AFF3: variants seen among roughly 807,000 people sequenced by gnomAD.
AFF3 encodes AF4/FMR2 family member 3.
Under a neutral mutation model 129.7 loss-of-function variants are expected in AFF3, and 32 were observed. That is an observed-to-expected ratio of 0.25 (90% CI 0.19 to 0.33). The LOEUF (loss-of-function observed/expected upper bound fraction) is 0.33. AFF3 is among the 10% of genes least tolerant of loss of function. AFF3 has a pLI of 1.00. For missense variants in AFF3, 1,373 were observed against 1,592.0 expected (o/e 0.86, Z 2.34); for synonymous variants, 644 against 635.4 (o/e 1.01, Z -0.20).
chr2:100,087,647 T>C (rs982228608), intron 4 of AFF3, among the ~76,000 whole-genome samples: 1 of 151,890 alleles, frequency 6.6e-6, no homozygotes, highest in African/African-American at 2.4e-5. Flanking sequence ...GAGAAAGTCA[T>C]ATTCCTTTAT....
chr2:99,710,874 C>T (rs1330058584), intron 11 of AFF3, among the ~76,000 whole-genome samples: 1 of 152,210 alleles, frequency 6.6e-6, no homozygotes, highest in Non-Finnish European at 1.5e-5. Context: ...ACTCTGCCAA[C>T]AGCAGAAGGC....
intron 7 of AFF3, among the ~76,000 whole-genome samples, chr2:99,904,043 CTT>C (rs1694538407): frequency 6.6e-6 from 1 of 152,132 alleles, no homozygotes; most frequent in Admixed American, 6.5e-5. Context: ...AAACTCTTCT[CTT>C]TTCTTCCTCA....
intron 8 of AFF3, among the ~76,000 whole-genome samples, chr2:99,766,818 A>T (rs1301788467): frequency 6.6e-6 from 1 of 152,240 alleles, no homozygotes; most frequent in African/African-American, 2.4e-5. Flanking sequence ...GAAGACATTA[A>T]ATTAATAATG....
chr2:99,912,627 T>C (rs1310435575), intron 7 of AFF3, among the ~76,000 whole-genome samples: 7 of 152,150 alleles, frequency 4.6e-5, no homozygotes, highest in African/African-American at 1.7e-4. Context: ...CACTAGGATA[T>C]GAAAGAGATA....
At chr2:99,639,744 G>T (rs1348846865) in intron 13 of AFF3, among the ~76,000 whole-genome samples, 1 of 150,322 alleles carries the variant, frequency 6.7e-6, no homozygotes, top group Non-Finnish European at 1.5e-5. Flanking sequence ...GGAGTGCAAT[G>T]GAGTGCAATC....
intron 7 of AFF3, among the ~76,000 whole-genome samples, chr2:99,890,751 ATGCCCCTGGCCTAT>A: frequency 6.6e-6 from 1 of 152,200 alleles, no homozygotes; most frequent in East Asian, 1.9e-4. Context: ...TGACCTCTGC[ATGCCCCTGGCCTAT>A]CAGGTACAGA....
chr2:100,074,953 T>C (rs1476998039), intron 4 of AFF3, among the ~76,000 whole-genome samples: 1 of 152,236 alleles, frequency 6.6e-6, no homozygotes, highest in Admixed American at 6.5e-5. Flanking sequence ...AAAAGTATCC[T>C]AATTTAAATG....
intron 8 of AFF3, among the ~76,000 whole-genome samples, chr2:99,814,652 C>T (rs1282922389): frequency 6.6e-6 from 1 of 152,126 alleles, no homozygotes; most frequent in Non-Finnish European, 1.5e-5. Flanking sequence ...TTTTATCACA[C>T]TAGCTCCGGC....
Position 99,844,718 on chromosome 2 carries a change from A to C in AFF3, c.874-7194T>G, listed in dbSNP as rs113436253. On this transcript the variant is annotated intron_variant, in intron 7 of 24. Transcript: ENST00000672756. ...CCAAAGTGCTGGGATTACAGGCATGAGCCAGCATGCCTGGCTTACTTTTTA... is the reference window on the plus strand; with the variant it reads ...CCAAAGTGCTGGGATTACAGGCATGCGCCAGCATGCCTGGCTTACTTTTTA... 4.9e-3 allele frequency among the ~76,000 whole-genome samples: 752 copies of C among 152,098 alleles called. 3 individuals are homozygous for C. The highest frequency in any genetic ancestry group is 0.017 in the African/African-American group (726 of 41,496).
intron 7 of AFF3, among the ~76,000 whole-genome samples, chr2:99,998,620 T>C (rs1681081391): frequency 1.3e-5 from 2 of 152,330 alleles, no homozygotes; most frequent in South Asian, 4.1e-4. Context: ...GTTTAGTGTG[T>C]ATTAAAAACA....
At chr2:100,081,788 C>T (rs1213843976) in intron 4 of AFF3, among the ~76,000 whole-genome samples, 1 of 152,176 alleles carries the variant, frequency 6.6e-6, no homozygotes, top group Non-Finnish European at 1.5e-5. Flanking sequence ...TCTCACACAA[C>T]CCCATGAGTT....
At chr2:99,847,541 C>CTAG (rs890234235) in intron 7 of AFF3, among the ~76,000 whole-genome samples, 2 of 151,934 alleles carry the variant, frequency 1.3e-5, no homozygotes, top group African/African-American at 4.8e-5. Flanking sequence ...ATTATAGTGG[C>CTAG]AATCTATTTT....
intron 2 of AFF3, among the ~76,000 whole-genome samples, chr2:100,115,218 T>C (rs1217501970): frequency 1.3e-5 from 2 of 152,182 alleles, no homozygotes; most frequent in African/African-American, 2.4e-5. Flanking sequence ...ATCCCACCTA[T>C]AGCTAATTTT....
At chr2:100,016,141 GT>G (rs1283379769) in intron 4 of AFF3, among the ~76,000 whole-genome samples, 2 of 151,106 alleles carry the variant, frequency 1.3e-5, no homozygotes, top group Non-Finnish European at 3.0e-5. Context: ...GGTGGTGATG[GT>G]GGTGGTGGTA....
At chr2:100,057,119 G>A (rs1433367410) in intron 4 of AFF3, among the ~76,000 whole-genome samples, 2 of 152,024 alleles carry the variant, frequency 1.3e-5, no homozygotes, top group African/African-American at 4.8e-5. Context: ...TCAGGAGTTC[G>A]AGACCAGCGT....
chr2:100,037,540 A>G (rs1428298165), intron 4 of AFF3, among the ~76,000 whole-genome samples: 1 of 146 alleles, frequency 6.8e-3, no homozygotes, highest in Non-Finnish European at 0.018. Flanking sequence ...ATATAAATAT[A>G]TATTTATATT....
chr2:99,576,778 C>T (rs941385648), intron 18 of AFF3, among the ~76,000 whole-genome samples: 3 of 152,156 alleles, frequency 2.0e-5, no homozygotes, highest in Non-Finnish European at 4.4e-5. Flanking sequence ...ATGCAAATTT[C>T]TATGTTATCC....
intron 7 of AFF3, among the ~76,000 whole-genome samples, chr2:100,003,345 T>A (rs913152744): frequency 2.0e-5 from 3 of 152,156 alleles, no homozygotes; most frequent in Non-Finnish European, 4.4e-5. Context: ...ATAATTCACT[T>A]CAGTCAGAAA....
At chr2:99,645,260 C>T (rs972400831) in intron 13 of AFF3, among the ~76,000 whole-genome samples, 5 of 151,976 alleles carry the variant, frequency 3.3e-5, no homozygotes, top group Admixed American at 3.3e-4. Context: ...CCTGGGAGGT[C>T]GAGGCTGCAG....
Sources: gnomAD v4.1 joint callset for allele counts (sites outside exome capture counted in the v4.1 genomes callset) on GRCh38, gnomAD v4.1.1 for gene constraint, MANE v1.5 for transcripts, NCBI Gene and HGNC (gene_info 2026-07-23, HGNC 2026-07-21) for gene names.